The following CACNA2D3 variants were observed in gnomAD, a reference collection of about 807,000 sequenced individuals.
The protein encoded by CACNA2D3 is voltage-dependent calcium channel subunit alpha-2/delta-3.
CACNA2D3 carries 60 observed loss-of-function variants against 160.6 expected under a neutral mutation model. That is an observed-to-expected ratio of 0.37 (90% CI 0.30 to 0.46). The LOEUF (loss-of-function observed/expected upper bound fraction) is 0.46, where lower values mean the gene tolerates loss of function less well. Among genes scored for constraint, CACNA2D3 ranks in the 20% least tolerant of loss-of-function variants. The pLI, the probability that CACNA2D3 is intolerant of heterozygous loss-of-function variation, is 1.00. For synonymous variants in CACNA2D3, 558 were observed against 492.9 expected, an observed-to-expected ratio of 1.13 and a Z score of -1.75; for missense variants, 1,205 against 1,365.0, an observed-to-expected ratio of 0.88 and a Z score of 1.85.
chr3:54,955,660 A>G (rs1332622170), intron 27 of CACNA2D3, among the ~76,000 whole-genome samples: 1 of 152,094 alleles, frequency 6.6e-6, no homozygotes, highest in Non-Finnish European at 1.5e-5. Flanking sequence ...GGTGGAATGG[A>G]GAAATGTGTA....
chr3:54,643,498 G>A (rs1173628851), intron 11 of CACNA2D3, among the ~76,000 whole-genome samples: 1 of 152,078 alleles, frequency 6.6e-6, no homozygotes, highest in East Asian at 1.9e-4. Flanking sequence ...GTGCTGAGCT[G>A]ACTATGTGGG....
chr3:54,427,448 A>G (rs1243534237), intron 4 of CACNA2D3, among the ~76,000 whole-genome samples: 1 of 152,152 alleles, frequency 6.6e-6, no homozygotes, highest in Non-Finnish European at 1.5e-5. Flanking sequence ...TTTCAAATTA[A>G]GATACTTTTA....
At chr3:54,429,033 G>C (rs1298233881) in intron 4 of CACNA2D3, among the ~76,000 whole-genome samples, 1 of 152,184 alleles carries the variant, frequency 6.6e-6, no homozygotes, top group African/African-American at 2.4e-5. Context: ...CAAGCTGGTG[G>C]GATGTACCTG....
At position 54,633,885 on chromosome 3, in the gene CACNA2D3, T is replaced by C. The variant is rs77353063; in HGVS notation, c.1053+6009T>C. On this transcript the variant is annotated intron_variant, in intron 10 of 37. Coordinates refer to ENST00000474759, the MANE Select transcript of CACNA2D3 (RefSeq NM_018398.3). ...AATGAAAGCTCCGGAAGGAAACTTA[T>C]CCCAGGCACACAGCTGTGTTGCTGA... 758 of 152,334 alleles carry C rather than the reference T, an allele frequency of 5.0e-3. 16 individuals are homozygous for C. In the East Asian group the frequency reaches 0.06, roughly 12 times the overall value. The allele number at this position is 152,334 out of a possible 1,614,324, so 9.4% of individuals were successfully genotyped here.
At chr3:54,975,051 C>T (rs1702354933) in intron 29 of CACNA2D3, among the ~76,000 whole-genome samples, 1 of 152,152 alleles carries the variant, frequency 6.6e-6, no homozygotes. Context: ...CTAATTTATC[C>T]ATAAACCCAG....
intron 5 of CACNA2D3, among the ~76,000 whole-genome samples, chr3:54,560,744 A>G (rs892421228): frequency 5.3e-5 from 8 of 152,130 alleles, no homozygotes; most frequent in Non-Finnish European, 1.2e-4. Flanking sequence ...TCTTGTCTTA[A>G]TTTTTGTATA....
chr3:54,796,831 A>G (rs1477769772), intron 13 of CACNA2D3, among the ~76,000 whole-genome samples: 2 of 152,186 alleles, frequency 1.3e-5, no homozygotes, highest in Non-Finnish European at 2.9e-5. Context: ...CATAGGAGTA[A>G]GGAAATGGAA....
chr3:55,004,569 T>A (rs1703049222), intron 31 of CACNA2D3, among the ~76,000 whole-genome samples, 194 bp from the exon 32 acceptor site: 1 of 152,256 alleles, frequency 6.6e-6, no homozygotes. Flanking sequence ...GTCCTTCAAA[T>A]TCCAAGTGGT....
At chr3:54,577,627 T>A (rs1702607271) in intron 8 of CACNA2D3, among the ~76,000 whole-genome samples, 1 of 135,574 alleles carries the variant, frequency 7.4e-6, no homozygotes, top group African/African-American at 2.5e-5. Flanking sequence ...CACACTCACA[T>A]ATATATTTTC....
At chr3:54,812,569 C>G (rs1004278383) in intron 13 of CACNA2D3, among the ~76,000 whole-genome samples, 4 of 152,184 alleles carry the variant, frequency 2.6e-5, no homozygotes, top group Non-Finnish European at 5.9e-5. Context: ...TGGCTGGGTT[C>G]TCTGTCCTCC....
At chr3:54,188,322 C>G (rs1040238212) in intron 2 of CACNA2D3, among the ~76,000 whole-genome samples, 2 of 152,216 alleles carry the variant, frequency 1.3e-5, no homozygotes, top group Non-Finnish European at 2.9e-5. Flanking sequence ...AGGGATAGCA[C>G]AGCTGAGGAG....
chr3:55,016,886 A>C (rs1352947518), intron 34 of CACNA2D3, among the ~76,000 whole-genome samples: 1 of 152,230 alleles, frequency 6.6e-6, no homozygotes, highest in Non-Finnish European at 1.5e-5. Context: ...ACAAATGCTT[A>C]GAATCGTTTC....
At chr3:54,752,815 G>T (rs1575458013) in intron 12 of CACNA2D3, 138 bp downstream of exon 12, 2 of 506,696 alleles carry the variant, frequency 3.9e-6, no homozygotes, top group Non-Finnish European at 7.1e-6. Flanking sequence ...TGATAGACTT[G>T]TAACGGTTTC....
At chr3:54,579,657 A>C (rs1197173988) in intron 8 of CACNA2D3, among the ~76,000 whole-genome samples, 2 of 152,180 alleles carry the variant, frequency 1.3e-5, no homozygotes, top group Non-Finnish European at 2.9e-5. Flanking sequence ...ACCCTAAACC[A>C]AATGAGTCAG....
At chr3:54,733,660 C>T (rs72872283) in intron 11 of CACNA2D3, among the ~76,000 whole-genome samples, 5,523 of 152,088 alleles carry the variant, frequency 0.036, 334 homozygotes, top group African/African-American at 0.13. Context: ...AATATTTAGT[C>T]CATCTTGATT....
At chr3:54,770,859 G>C (rs1702307655) in intron 13 of CACNA2D3, among the ~76,000 whole-genome samples, 2 of 152,170 alleles carry the variant, frequency 1.3e-5, no homozygotes, top group African/African-American at 2.4e-5. Flanking sequence ...TTGTTTCTGT[G>C]AATCTGTAAA....
intron 13 of CACNA2D3, among the ~76,000 whole-genome samples, chr3:54,797,715 A>G (rs1325833778): frequency 2.6e-5 from 4 of 152,186 alleles, no homozygotes; most frequent in Non-Finnish European, 5.9e-5. Context: ...TCCTCTAAAG[A>G]TGAGTTCCAG....
At chr3:54,344,746 C>T (rs1698425677) in intron 3 of CACNA2D3, among the ~76,000 whole-genome samples, 1 of 152,068 alleles carries the variant, frequency 6.6e-6, no homozygotes, top group Admixed American at 6.6e-5. Context: ...GGTGTGTGAA[C>T]CAGAGCACTC....
intron 2 of CACNA2D3, among the ~76,000 whole-genome samples, chr3:54,247,121 G>A (rs1302117370): frequency 6.6e-6 from 1 of 152,176 alleles, no homozygotes; most frequent in African/African-American, 2.4e-5. Context: ...AGATCAGCCT[G>A]GCCAACATGG....
Sources: allele counts gnomAD v4.1 joint callset (sites outside exome capture counted in the v4.1 genomes callset), GRCh38; gene constraint gnomAD v4.1.1; transcripts MANE v1.5; gene names NCBI Gene and HGNC (gene_info 2026-07-23, HGNC 2026-07-21).